TJP2: variants seen among roughly 807,000 people sequenced by gnomAD.
TJP2 encodes the protein Friedreich ataxia region gene X104 (tight junction protein ZO-2).
Under a neutral mutation model 133.1 loss-of-function variants are expected in TJP2, and 91 were observed. The observed-to-expected ratio is 0.68, with a 90% CI of 0.58 to 0.81. The LOEUF (loss-of-function observed/expected upper bound fraction) is 0.81, where lower values mean the gene tolerates loss of function less well. TJP2 is among the 40% of genes least tolerant of loss of function. TJP2 has a pLI of 0.00. For missense variants in TJP2, 1,541 were observed against 1,565.6 expected, an observed-to-expected ratio of 0.98 and a Z score of 0.26; for synonymous variants, 592 against 583.4, an observed-to-expected ratio of 1.01 and a Z score of -0.21.
Position 69,252,810 on chromosome 9 carries a change from C to T in TJP2, c.3322-5C>T, listed in dbSNP as rs1563964989. 1 of 1,613,878 alleles carries T rather than the reference C, an allele frequency of 6.2e-7. No individual in the cohort carries two copies. Among genetic ancestry groups the T allele is most frequent in the Non-Finnish European group, 8.5e-7 (1 of 1,179,840 alleles). ...TCTTATTCTTTTCTTTTTTAATTAC[C>T]ACAGATCGAAATTGCCCAGAAGCAT... On this transcript the variant is annotated splice_polypyrimidine_tract_variant and splice_region_variant and intron_variant, in intron 21 of 22. Transcript: ENST00000377245.
At chr9:69,234,383 T>TTTCTTTCTTTC in intron 11 of TJP2, 56 bp from the exon 12 acceptor site, 2 of 1,314,230 alleles carry the variant, frequency 1.5e-6, no homozygotes, top group South Asian at 2.6e-5. Context: ...TCTTTCTTTC[T>TTTCTTTCTTTC]TTCTTTCTTT....
chr9:69,158,849 C>A (rs941548857), intron 2 of TJP2, among the ~76,000 whole-genome samples: 1 of 152,076 alleles, frequency 6.6e-6, no homozygotes, highest in African/African-American at 2.4e-5. Flanking sequence ...TCACTCACAT[C>A]GGTTTTGATT....
upstream of TJP2, among the ~76,000 whole-genome samples, chr9:69,169,639 C>T (rs1437076102): frequency 2.0e-5 from 3 of 152,074 alleles, no homozygotes; most frequent in African/African-American, 7.2e-5. Context: ...GGATTACAGG[C>T]GTGAGCCACC....
At chr9:69,224,215 T>A (rs565088447) in intron 5 of TJP2, among the ~76,000 whole-genome samples, 10 of 152,216 alleles carry the variant, frequency 6.6e-5, no homozygotes, top group Non-Finnish European at 1.5e-4. Context: ...TTGCCTGACT[T>A]CTTTACCCCT....
intron 2 of TJP2, among the ~76,000 whole-genome samples, chr9:69,157,451 C>T (rs1230195911): frequency 6.7e-6 from 1 of 148,312 alleles, no homozygotes; most frequent in Admixed American, 6.7e-5. Context: ...AGTCTGAACT[C>T]AAGGTGTCTG....
At chr9:69,158,410 C>T (rs192630048) in intron 2 of TJP2, among the ~76,000 whole-genome samples, 1 of 149,490 alleles carries the variant, frequency 6.7e-6, no homozygotes, top group African/African-American at 2.4e-5. Context: ...AAAGGCTTCT[C>T]TGTGCTTTTT....
rs150974484 is a variant in TJP2, at chr9:69,198,668, G to A, written c.61-13880G>A. Among the ~76,000 whole-genome samples, 382 of 152,322 alleles carry A rather than the reference G, an allele frequency of 2.5e-3. 6 individuals carry two copies. The highest frequency in any genetic ancestry group is 0.021 in the Admixed American group (327 of 15,300). On this transcript the variant is annotated intron_variant, in intron 1 of 22. Coordinates refer to ENST00000377245, the MANE Select transcript of TJP2 (RefSeq NM_004817.4). ...ATAAGCAAGCTGTGTCCATTGTGAA[G>A]TGTGTGCTGTGAGCACATCGCATAC...
intron 5 of TJP2, among the ~76,000 whole-genome samples, chr9:69,222,393 T>C (rs1828953861): frequency 6.6e-6 from 1 of 152,032 alleles, no homozygotes; most frequent in Non-Finnish European, 1.5e-5. Context: ...CTCAAACTCC[T>C]GACCTCAGGT....
At chr9:69,131,201 C>G (rs980293886) in intron 1 of TJP2, among the ~76,000 whole-genome samples, 1 of 152,196 alleles carries the variant, frequency 6.6e-6, no homozygotes, top group Admixed American at 6.5e-5. Context: ...TGACTGTCAT[C>G]TCTAAAACTG....
upstream of TJP2, chr9:69,173,916 T>G: frequency 1.0e-6 from 1 of 980,112 alleles, no homozygotes. Flanking sequence ...GGGACCTGCT[T>G]GCTCCAGTGC....
intron 11 of TJP2, among the ~76,000 whole-genome samples, chr9:69,232,502 T>G (rs754361908): frequency 5.9e-5 from 9 of 152,240 alleles, no homozygotes; most frequent in Non-Finnish European, 1.2e-4. Context: ...CACTTTAATT[T>G]GTTTCAATGC....
chr9:69,168,254 A>C (rs1367244676), intron 2 of TJP2, among the ~76,000 whole-genome samples: 1 of 152,176 alleles, frequency 6.6e-6, no homozygotes, highest in Non-Finnish European at 1.5e-5. Context: ...ATCTTTATAC[A>C]TCTATGATTG....
intron 1 of TJP2, among the ~76,000 whole-genome samples, chr9:69,135,607 A>T (rs1157148194): frequency 1.4e-5 from 2 of 146,066 alleles, no homozygotes; most frequent in African/African-American, 2.5e-5. Context: ...CACCTAGCTG[A>T]TTTTTTTTTT....
At chr9:69,194,508 T>C (rs1291852099) in intron 1 of TJP2, among the ~76,000 whole-genome samples, 1 of 152,202 alleles carries the variant, frequency 6.6e-6, no homozygotes, top group Non-Finnish European at 1.5e-5. Context: ...AATATTGCTA[T>C]TTACAAATTT....
At chr9:69,196,972 CACACAT>C (rs900675597) in intron 1 of TJP2, among the ~76,000 whole-genome samples, 2 of 151,430 alleles carry the variant, frequency 1.3e-5, no homozygotes, top group African/African-American at 2.4e-5. Flanking sequence ...CACACACACA[CACACAT>C]GTTTTCTGGA....
At chr9:69,138,879 T>A (rs1004655734) in intron 1 of TJP2, among the ~76,000 whole-genome samples, 1 of 151,902 alleles carries the variant, frequency 6.6e-6, no homozygotes, top group African/African-American at 2.4e-5. Flanking sequence ...ATCGCACCAC[T>A]GCACTCCAGC....
intron 7 of TJP2, 50 bp from the exon 8 acceptor site, chr9:69,227,715 G>A (rs1829454354): frequency 7.8e-7 from 1 of 1,284,128 alleles, no homozygotes. Flanking sequence ...CTGGGTAGGA[G>A]AATATTTTAA....
intron 1 of TJP2, among the ~76,000 whole-genome samples, chr9:69,132,280 C>A (rs568578986): frequency 1.8e-4 from 28 of 152,320 alleles, no homozygotes; most frequent in African/African-American, 6.5e-4. Context: ...GAGACTCTTA[C>A]CAGTCCTGGC....
chr9:69,244,438 T>C (rs1363855826), intron 17 of TJP2, among the ~76,000 whole-genome samples: 1 of 152,116 alleles, frequency 6.6e-6, no homozygotes, highest in Non-Finnish European at 1.5e-5. Context: ...TGACCATACA[T>C]GTCAGGGCTG....
Sources: gnomAD v4.1 joint callset for allele counts (sites outside exome capture counted in the v4.1 genomes callset) on GRCh38, gnomAD v4.1.1 for gene constraint, MANE v1.5 for transcripts, NCBI Gene and HGNC (gene_info 2026-07-23, HGNC 2026-07-21) for gene names.